The following ARID1A variants were observed in gnomAD, a reference collection of about 807,000 sequenced individuals.
The protein encoded by ARID1A is AT-rich interaction domain 1A, also known as AT-rich interactive domain-containing protein 1A.
Under a neutral mutation model 212.6 loss-of-function variants are expected in ARID1A, and 20 were observed. That is an observed-to-expected ratio of 0.09 (90% CI 0.07 to 0.14). The LOEUF (loss-of-function observed/expected upper bound fraction) is 0.14. ARID1A is among the 10% of genes least tolerant of loss of function. ARID1A has a pLI of 1.00. For synonymous variants in ARID1A, 1,376 were observed against 1,222.1 expected, an observed-to-expected ratio of 1.13 and a Z score of -2.63; for missense variants, 2,587 against 3,059.0, an observed-to-expected ratio of 0.85 and a Z score of 3.64.
intron 7 of ARID1A, 127 bp downstream of exon 7, chr1:26,762,446 C>A: frequency 1.8e-6 from 2 of 1,096,528 alleles, no homozygotes; most frequent in Non-Finnish European, 2.5e-6. Context: ...ATCCACCCAG[C>A]CCAGGCCCTG....
At chr1:26,775,296 T>G in intron 18 of ARID1A, 76 bp downstream of exon 18, 1 of 1,500,988 alleles carries the variant, frequency 6.7e-7, no homozygotes, top group Non-Finnish European at 8.8e-7. Context: ...ACCTTACTAT[T>G]CTGGATGAGG....
intron 1 of ARID1A, among the ~76,000 whole-genome samples, chr1:26,703,998 G>A (rs2124753138): frequency 6.6e-6 from 1 of 152,298 alleles, no homozygotes; most frequent in East Asian, 1.9e-4. Flanking sequence ...GCTTTTCAGA[G>A]GCTTTTTTTG....
rs564046161 is a variant in ARID1A, at chr1:26,717,672, A to G, written c.1138-11979A>G. On this transcript the variant is annotated intron_variant, in intron 1 of 19. Transcript: ENST00000324856. ...GGATACAGCAGTGAATTAAACATAC[A>G]CAGGACATATAGATTGAACAAGATA... is the stretch of plus-strand genomic sequence containing the variant. Among the ~76,000 whole-genome samples the G allele has an allele frequency of 3.3e-4, 51 of 152,348 alleles. No individual in the cohort carries two copies. The South Asian group carries it at 9.7e-3, about 29-fold the overall frequency.
intron 8 of ARID1A, 88 bp from the exon 9 acceptor site, chr1:26,766,133 T>C (rs2124078445): frequency 6.9e-7 from 1 of 1,442,268 alleles, no homozygotes; most frequent in Non-Finnish European, 9.4e-7. Flanking sequence ...CCTTACTAGA[T>C]GATCACACAG....
chr1:26,780,785 TGTGTGTGC>T lies in ARID1A; in HGVS notation c.*37_*44del. 6.6e-7 allele frequency: 1 copy of T among 1,522,118 alleles called. No individual in the cohort carries two copies. Among genetic ancestry groups the T allele is most frequent in the Non-Finnish European group, 8.8e-7 (1 of 1,136,658 alleles). 94.3% of individuals were successfully genotyped at this position (1,522,118 alleles called of 1,614,324 possible). ...CCGTGGGACACCTCCCCCCCCCGTG[TGTGTGTGC>T]GTGTGTGGAGAACTTAGAAACTGAC... On this transcript the variant is annotated 3_prime_UTR_variant, in exon 20 of 20. Transcript: ENST00000324856. This position sits in a 1 kb window ranked among gnomAD's most constrained non-coding sequence, Gnocchi z 7.2.
chr1:26,714,991 A>G (rs768907905), intron 1 of ARID1A, among the ~76,000 whole-genome samples: 1 of 152,202 alleles, frequency 6.6e-6, no homozygotes, highest in Non-Finnish European at 1.5e-5. Flanking sequence ...CAGCTCAGTG[A>G]TCTGTCACAG....
At chr1:26,715,066 G>GA (rs2080489073) in intron 1 of ARID1A, among the ~76,000 whole-genome samples, 1 of 152,198 alleles carries the variant, frequency 6.6e-6, no homozygotes, top group Non-Finnish European at 1.5e-5. Flanking sequence ...TTGTATAACT[G>GA]AAAGACCAGC....
rs530730452 is a variant in ARID1A at position 26,766,033 on chromosome 1, C to T, written c.2733-188C>T. Reference sequence around the variant, plus strand: ...TTCCAGCCAGGGTGCCAGAGCAATACCCTGTCTCAAGAAAATAAATTAAAG... The same window carrying T: ...TTCCAGCCAGGGTGCCAGAGCAATATCCTGTCTCAAGAAAATAAATTAAAG... On this transcript the variant is annotated intron_variant, in intron 8 of 19. Transcript: ENST00000324856. Among the ~76,000 whole-genome samples, 3 of 152,222 alleles carry T rather than the reference C, an allele frequency of 2.0e-5. No individual in the cohort carries two copies. The East Asian group carries it at 5.8e-4, about 29-fold the overall frequency.
rs754673704 is a variant in ARID1A, at chr1:26,774,777, C to T, written c.4550C>T (p.Ala1517Val). Reference sequence around the variant, plus strand: ...GCCAACAGGCAGAGCACGGGCTCTGCCCCCCAGGGCCCCGCCTATCATGGC... The same window carrying T: ...GCCAACAGGCAGAGCACGGGCTCTGTCCCCCAGGGCCCCGCCTATCATGGC... The part of the protein sequence containing the change: ...NYANRQSTGS[A>V]PQGPAYHGVN... The change falls in exon 18 of 20, where the codon GCC (alanine) becomes GTC (valine). Residue 1517 changes from alanine (A) to valine (V), a missense_variant. Coordinates refer to ENST00000324856, the MANE Select transcript of ARID1A (RefSeq NM_006015.6). The surrounding 1 kb of genome is among the most constrained non-coding windows in gnomAD (Gnocchi z 5.6). The T allele has an allele frequency of 1.2e-6, 2 of 1,614,190 alleles. No homozygotes were observed. The highest frequency in any genetic ancestry group is 1.1e-5 in the South Asian group (1 of 91,090).
rs2124744937 is a variant in ARID1A at position 26,697,436 on chromosome 1, G to A, written c.1033G>A (p.Ala345Thr). The A allele has an allele frequency of 7.4e-7, 1 of 1,353,958 alleles. No homozygotes were observed. 83.9% of individuals were successfully genotyped at this position (1,353,958 alleles called of 1,614,324 possible). A position where few individuals can be genotyped will look rare whatever the true frequency, so the allele number is the denominator to read the frequency against. ...TTGGGGGGCTGCGGCGGCGGCAGCT[G>A]CGGCGGCGGCCGCCTCGGGAGGGGC... Reference protein sequence around the residue: ...QCWGAAAAAAAAAAASGGAQQ... With the variant: ...QCWGAAAAAATAAAASGGAQQ... Residue 345 changes from alanine to threonine, a missense_variant, in exon 1 of 20, where the codon GCG becomes ACG. Transcript: ENST00000324856.
At chr1:26,761,501 A>C (rs766869226) in intron 6 of ARID1A, 28 bp downstream of exon 6, 1 of 1,610,576 alleles carries the variant, frequency 6.2e-7, no homozygotes, top group East Asian at 2.2e-5. Flanking sequence ...GGGGAGGGGC[A>C]GGGAGCTAGG....
chr1:26,711,223 C>T (rs1328633010), intron 1 of ARID1A, among the ~76,000 whole-genome samples: 1 of 152,082 alleles, frequency 6.6e-6, no homozygotes, highest in Non-Finnish European at 1.5e-5. Flanking sequence ...ATTTTCCTGC[C>T]TCAGCCTCTC....
At chr1:26,721,914 A>G (rs1182499111) in intron 1 of ARID1A, among the ~76,000 whole-genome samples, 2 of 152,154 alleles carry the variant, frequency 1.3e-5, no homozygotes, top group Non-Finnish European at 2.9e-5. Context: ...GTTTTGCTAC[A>G]TGATTCAATG....
At position 26,781,121 on chromosome 1, in the gene ARID1A, A is replaced by G. The variant is rs2081190282; in HGVS notation, c.*365A>G. The G allele has an allele frequency of 3.8e-6, 1 of 262,148 alleles. No homozygotes were observed. The highest frequency in any genetic ancestry group is 7.2e-6 in the Non-Finnish European group (1 of 137,978). The allele number at this position is 262,148 out of a possible 1,614,324, so 16.2% of individuals were successfully genotyped here. On this transcript the variant is annotated 3_prime_UTR_variant, in exon 20 of 20. Coordinates refer to ENST00000324856, the MANE Select transcript of ARID1A (RefSeq NM_006015.6). ...TAAAAATGGCTTTCCCAGTCCTTGC[A>G]TCAACGGGATGCCACATTTCATAAC...
intron 14 of ARID1A, 95 bp downstream of exon 14, chr1:26,773,082 G>A (rs1410737916): frequency 6.7e-7 from 1 of 1,484,138 alleles, no homozygotes. Flanking sequence ...TTCTTGTGGA[G>A]CCATCCTCTG....
intron 1 of ARID1A, among the ~76,000 whole-genome samples, chr1:26,702,650 G>A (rs2124751712): frequency 1.3e-5 from 2 of 152,294 alleles, no homozygotes; most frequent in South Asian, 4.1e-4. Context: ...TCCTCATGTG[G>A]TGGAGTAAAA....
At chr1:26,703,926 T>C (rs2080362762) in intron 1 of ARID1A, among the ~76,000 whole-genome samples, 1 of 152,214 alleles carries the variant, frequency 6.6e-6, no homozygotes, top group African/African-American at 2.4e-5. Context: ...CCACACTAAT[T>C]ATGTGAGCTG....
Position 26,780,239 on chromosome 1 carries a change from C to T in ARID1A, c.6341C>T (p.Pro2114Leu), listed in dbSNP as rs773818181. The T allele has an allele frequency of 6.2e-6, 10 of 1,614,172 alleles. No individual in the cohort carries two copies. The highest frequency in any genetic ancestry group is 1.3e-5 in the African/African-American group (1 of 75,046). The change falls in exon 20 of 20, where the codon CCG becomes CTG. Residue 2114 changes from proline to leucine, a missense_variant. By Grantham distance (98) the Pro-to-Leu change is moderately conservative (BLOSUM62 -3). This residue lies in a region of ARID1A where 168 missense variants were observed against 321.0 expected (regional missense o/e 0.52). Coordinates refer to ENST00000324856, the MANE Select transcript of ARID1A (RefSeq NM_006015.6). The surrounding 1 kb of genome is among the most constrained non-coding windows in gnomAD (Gnocchi z 7.2). ...CTGGGCCCCAATGCCGTCCTTTCCC[C>T]GCAGAGACTGGTCTTGGAAACCCTC... The part of the protein sequence containing the change: ...STLGPNAVLS[P>L]QRLVLETLSK...
intron 4 of ARID1A, among the ~76,000 whole-genome samples, chr1:26,742,742 G>A (rs566297246): frequency 4.1e-4 from 63 of 152,204 alleles, no homozygotes; most frequent in Non-Finnish European, 7.6e-4. Flanking sequence ...AGGCTGAGGC[G>A]GGTGGATCAT....
Sources: allele counts gnomAD v4.1 joint callset (sites outside exome capture counted in the v4.1 genomes callset), GRCh38; gene constraint gnomAD v4.1.1; regional missense constraint gnomAD v4.1.1; non-coding constraint Gnocchi (gnomAD v3.1); transcripts MANE v1.5; gene names NCBI Gene and HGNC (gene_info 2026-07-23, HGNC 2026-07-21).